The following ZNF66 variants were observed in gnomAD, a reference collection of about 807,000 sequenced individuals.
ZNF66 encodes putative zinc finger protein 66.
In ZNF66, 32 loss-of-function variants were observed where a neutral mutation model predicts 35.2. The observed-to-expected ratio is 0.91, with a 90% CI of 0.69 to 1.22. ZNF66 has a LOEUF of 1.22. Among genes scored for constraint, ZNF66 ranks in the 50% most tolerant of loss-of-function variants. ZNF66 has a pLI of 0.00. For synonymous variants in ZNF66, 231 were observed against 181.3 expected (o/e 1.27, Z -2.20); for missense variants, 666 against 543.1 (o/e 1.23, Z -2.25).
chr19:20,787,519 A>G (rs1971297347), intron 1 of ZNF66, among the ~76,000 whole-genome samples: 2 of 152,236 alleles, frequency 1.3e-5, no homozygotes, highest in Admixed American at 1.3e-4. Flanking sequence ...GAAAATGTAC[A>G]GAAAACTAAC....
intron 1 of ZNF66, among the ~76,000 whole-genome samples, chr19:20,778,782 C>CAAAA (rs561812056): frequency 8.2e-5 from 7 of 85,402 alleles, no homozygotes; most frequent in East Asian, 3.7e-4. Flanking sequence ...GACTTCGTCT[C>CAAAA]AAAAAAAAAA....
chr19:20,786,823 A>T (rs189526003), intron 1 of ZNF66, among the ~76,000 whole-genome samples: 1 of 152,334 alleles, frequency 6.6e-6, no homozygotes, highest in East Asian at 1.9e-4. Flanking sequence ...GTGCAATGGC[A>T]CAATCTTGGC....
At chr19:20,795,852 G>C (rs1284948576) in intron 3 of ZNF66, among the ~76,000 whole-genome samples, 1 of 152,142 alleles carries the variant, frequency 6.6e-6, no homozygotes, top group East Asian at 1.9e-4. Flanking sequence ...GACTCTGACT[G>C]GGAGGAGTTT....
chr19:20,802,329 A>C (rs1288947570), intron 3 of ZNF66, among the ~76,000 whole-genome samples: 1 of 152,166 alleles, frequency 6.6e-6, no homozygotes, highest in Non-Finnish European at 1.5e-5. Context: ...TCTTCACAAT[A>C]TTAATTATTT....
At chr19:20,777,452 A>T (rs1346694284) in intron 1 of ZNF66, among the ~76,000 whole-genome samples, 2 of 123,122 alleles carry the variant, frequency 1.6e-5, no homozygotes, top group African/African-American at 3.1e-5. Context: ...TTGAGCTTAG[A>T]TTTTTTTTTT....
At chr19:20,804,461 T>C (rs866634686) in intron 3 of ZNF66, among the ~76,000 whole-genome samples, 7 of 152,116 alleles carry the variant, frequency 4.6e-5, no homozygotes, top group Non-Finnish European at 8.8e-5. Flanking sequence ...GCCAGGCTAA[T>C]CTTGAACCTC....
intron 1 of ZNF66, 91 bp downstream of exon 1, chr19:20,776,541 G>C (rs1204330669): frequency 1.4e-6 from 2 of 1,423,538 alleles, no homozygotes; most frequent in African/African-American, 1.4e-5. Flanking sequence ...TCTGCACCCC[G>C]AATTCTCCTT....
chr19:20,793,938 G>C, intron 3 of ZNF66, 60 bp downstream of exon 3: 1 of 764,668 alleles, frequency 1.3e-6, no homozygotes, highest in Non-Finnish European at 2.1e-6. Context: ...AGGTCAAAAA[G>C]AAAGCCAGTC....
chr19:20,801,219 T>C (rs969782981), intron 3 of ZNF66, among the ~76,000 whole-genome samples: 4 of 152,200 alleles, frequency 2.6e-5, no homozygotes, highest in Non-Finnish European at 5.9e-5. Context: ...TTCACCCTAT[T>C]TGACTCAATG....
At chr19:20,795,443 C>T (rs569706996) in intron 3 of ZNF66, among the ~76,000 whole-genome samples, 1 of 151,390 alleles carries the variant, frequency 6.6e-6, no homozygotes, top group African/African-American at 2.4e-5. Context: ...TCTCATCTCA[C>T]CACAACCTCC....
At position 20,801,830 on chromosome 19, in the gene ZNF66, T is replaced by C. The variant is rs547705076; in HGVS notation, c.227-3997T>C. Among the ~76,000 whole-genome samples, 7 of 151,452 alleles carry C rather than the reference T, an allele frequency of 4.6e-5. No individual in the cohort carries two copies. The East Asian group carries it at 1.2e-3, about 25-fold the overall frequency. On this transcript the variant is annotated intron_variant, in intron 3 of 3. Transcript: ENST00000344519. ...TTTTCATAGAGACAGAGTTTTGCCA[T>C]GTTGCCCAGGCTGATCTTGAACTTT...
At chr19:20,792,439 A>G (rs1971346722) in intron 1 of ZNF66, 73 bp from the exon 2 acceptor site, 1 of 1,323,302 alleles carries the variant, frequency 7.6e-7, no homozygotes, top group African/African-American at 1.5e-5. Context: ...TTACTCTCTC[A>G]TTTCACCTTA....
intron 2 of ZNF66, 135 bp downstream of exon 2, chr19:20,792,773 T>C (rs1458014013): frequency 1.6e-6 from 1 of 622,454 alleles, no homozygotes; most frequent in Non-Finnish European, 2.6e-6. Context: ...TCAGAATTTG[T>C]TCATTTAGAA....
intron 3 of ZNF66, among the ~76,000 whole-genome samples, chr19:20,795,427 G>A (rs924274732): frequency 2.0e-5 from 3 of 150,990 alleles, no homozygotes; most frequent in African/African-American, 7.3e-5. Context: ...GAGTGCAATG[G>A]TGCGATCTCA....
chr19:20,788,926 C>G (rs372244192), intron 1 of ZNF66, among the ~76,000 whole-genome samples: 2 of 151,770 alleles, frequency 1.3e-5, no homozygotes, highest in African/African-American at 4.8e-5. Context: ...TGGCACACAT[C>G]TGTAGTTTCA....
intron 1 of ZNF66, among the ~76,000 whole-genome samples, chr19:20,777,415 A>G (rs185488888): frequency 6.0e-5 from 9 of 149,396 alleles, no homozygotes; most frequent in African/African-American, 2.2e-4. Flanking sequence ...TGTTTCCCCT[A>G]ATGTAGTAAT....
intron 1 of ZNF66, among the ~76,000 whole-genome samples, chr19:20,778,978 C>G (rs1971220951): frequency 6.6e-6 from 1 of 152,110 alleles, no homozygotes; most frequent in African/African-American, 2.4e-5. Context: ...ATATTGAAGA[C>G]TCAGTTAGTT....
rs1034135935 is a variant in ZNF66, at chr19:20,776,329, G to C, written c.-119G>C. 2.1e-6 allele frequency: 3 copies of C among 1,439,164 alleles called. No homozygotes were observed. Among genetic ancestry groups the C allele is most frequent in the Non-Finnish European group, 2.9e-6 (3 of 1,024,990 alleles). 89.1% of individuals were successfully genotyped at this position (1,439,164 alleles called of 1,614,324 possible). On this transcript the variant is annotated 5_prime_UTR_variant, in exon 1 of 4. Coordinates refer to ENST00000344519, the MANE Select transcript of ZNF66 (RefSeq NM_001355197.2). ...GTCTCTCCCTGCAGCTGGAGCTCCA[G>C]GTCGTCTGTTCACTGCTCTCTGTCT...
At chr19:20,787,006 C>T (rs1401927171) in intron 1 of ZNF66, among the ~76,000 whole-genome samples, 1 of 152,156 alleles carries the variant, frequency 6.6e-6, no homozygotes, top group African/African-American at 2.4e-5. Context: ...AGTGATCTGC[C>T]CACCTCGGCC....
Sources: gnomAD v4.1 joint callset for allele counts (sites outside exome capture counted in the v4.1 genomes callset) on GRCh38, gnomAD v4.1.1 for gene constraint, MANE v1.5 for transcripts, NCBI Gene and HGNC (gene_info 2026-07-23, HGNC 2026-07-21) for gene names.